SNX19: variants seen among roughly 807,000 people sequenced by gnomAD.
SNX19 encodes sorting nexin-19.
A neutral mutation model predicts 85.2 loss-of-function variants in SNX19; 60 were observed. That is an observed-to-expected ratio of 0.70 (90% confidence interval 0.57 to 0.87). SNX19 has a LOEUF of 0.87. Ranked by LOEUF, SNX19 falls within the 40% of genes least tolerant of loss-of-function variation. The probability of loss-of-function intolerance (pLI) is 0.00; values close to 1 mark genes in which losing one functional copy is unlikely to be tolerated. For synonymous variants in SNX19, 520 were observed against 470.0 expected (o/e 1.11, Z -1.38); for missense variants, 1,201 against 1,217.8 (o/e 0.99, Z 0.21).
rs1943056676 is a variant in SNX19, at chr11:130,872,301, T to C, written c.*6121A>G. On this transcript the variant is annotated 3_prime_UTR_variant, in exon 11 of 11. Transcript: ENST00000265909. ...CTCCGCAAGTCTGAAAATAGCATAG[T>C]GTGTCTGCCAAGGTCTGCGGGTGCC... Among the ~76,000 whole-genome samples, 2 of 152,150 alleles carry C rather than the reference T, an allele frequency of 1.3e-5. No homozygotes were observed. Among genetic ancestry groups the C allele is most frequent in the South Asian group, 2.1e-4 (1 of 4,818 alleles).
chr11:130,888,545 G>A (rs1419100993), intron 8 of SNX19, among the ~76,000 whole-genome samples: 1 of 152,168 alleles, frequency 6.6e-6, no homozygotes, highest in Non-Finnish European at 1.5e-5. Flanking sequence ...TAATCAGGCA[G>A]GGCACACTCC....
In SNX19 at chr11:130,870,475, T is replaced by C. The variant is rs1279267169; in HGVS notation, c.*7947A>G. Among the ~76,000 whole-genome samples, 1 of 152,346 alleles carries C rather than the reference T, an allele frequency of 6.6e-6. No homozygotes were observed. The highest frequency in any genetic ancestry group is 2.4e-5 in the African/African-American group (1 of 41,594). ...CTTTACCTCACCTAAACAGATCCAC[T>C]GAAAAGGAAACTTTTTGGGTTCCCA... On this transcript the variant is annotated 3_prime_UTR_variant, in exon 11 of 11. Coordinates refer to ENST00000265909, the MANE Select transcript of SNX19 (RefSeq NM_014758.3).
rs764333488 is a variant in SNX19 at position 130,906,610 on chromosome 11, G to A, written c.2262+15C>T. On this transcript the variant is annotated intron_variant, in intron 6 of 10. Coordinates refer to ENST00000265909, the MANE Select transcript of SNX19 (RefSeq NM_014758.3). ...AGATATTTTTGCCTCACATTCTCTG[G>A]GTTTTGGTTCTTACCACATTGCCTT... The A allele has an allele frequency of 6.3e-7, 1 of 1,579,508 alleles. No homozygotes were observed. Among genetic ancestry groups the A allele is most frequent in the East Asian group, 2.2e-5 (1 of 44,742 alleles).
rs1263283263 is a variant in SNX19 at position 130,874,514 on chromosome 11, A to ATT, written c.*3906_*3907dup. On this transcript the variant is annotated 3_prime_UTR_variant, in exon 11 of 11. Coordinates refer to ENST00000265909, the MANE Select transcript of SNX19 (RefSeq NM_014758.3). ...ATGGCAAGGAAGAAAGATGGAAAGA[A>ATT]TTCAGGCCCCTTAAGAGGTCTCAGA... Among the ~76,000 whole-genome samples the ATT allele has an allele frequency of 2.0e-5, 3 of 152,250 alleles. No individual in the cohort carries two copies. The highest frequency in any genetic ancestry group is 7.2e-5 in the African/African-American group (3 of 41,472).
rs747233151 is a variant in SNX19, at chr11:130,916,142, G to A, written c.-203C>T. ...CGTCTCCCCATGGCTACCACTAACAGAGCCCTCCAACTCGCCCCTTCCAGC... is the reference window on the plus strand; with the variant it reads ...CGTCTCCCCATGGCTACCACTAACAAAGCCCTCCAACTCGCCCCTTCCAGC... On this transcript the variant is annotated 5_prime_UTR_variant, in exon 1 of 11. Coordinates refer to ENST00000265909, the MANE Select transcript of SNX19 (RefSeq NM_014758.3). 1 of 589,978 alleles carries A rather than the reference G, an allele frequency of 1.7e-6. No individual in the cohort carries two copies. Among genetic ancestry groups the A allele is most frequent in the Non-Finnish European group, 3.0e-6 (1 of 332,612 alleles). The allele number at this position is 589,978 out of a possible 1,614,324, so 36.5% of individuals were successfully genotyped here.
rs757340489 is a variant in SNX19, at chr11:130,877,649, G to T, written c.*773C>A. 15 of 152,582 alleles carry T rather than the reference G, an allele frequency of 9.8e-5. No individual in the cohort carries two copies. Among genetic ancestry groups the T allele is most frequent in the Non-Finnish European group, 2.1e-4 (14 of 68,046 alleles). 9.5% of individuals were successfully genotyped at this position (152,582 alleles called of 1,614,324 possible). ...AAAACTCAATTGCTCTAGGGCAGGG[G>T]GTTGGGAGCAAAGCCAATAAATAAA... On this transcript the variant is annotated 3_prime_UTR_variant, in exon 11 of 11. Transcript: ENST00000265909.
At chr11:130,895,123 C>T (rs966061141) in intron 8 of SNX19, 2 of 985,278 alleles carry the variant, frequency 2.0e-6, no homozygotes, top group African/African-American at 3.5e-5. Flanking sequence ...GGGCTTCATA[C>T]TGGGAGGCCC....
chr11:130,901,395 A>G (rs1378362491), intron 8 of SNX19, among the ~76,000 whole-genome samples: 7 of 152,208 alleles, frequency 4.6e-5, no homozygotes, highest in Non-Finnish European at 7.3e-5. Context: ...AGAAGGTTTC[A>G]CAGAATAAAT....
chr11:130,889,113 TAA>T (rs1944307282), intron 8 of SNX19, among the ~76,000 whole-genome samples: 1 of 152,218 alleles, frequency 6.6e-6, no homozygotes, highest in South Asian at 2.1e-4. Context: ...GTTTTTCACC[TAA>T]GTCTTTTCCC....
rs4414223 is a variant in SNX19 at position 130,906,629 on chromosome 11, T to C, written c.2258A>G (p.Asn753Ser). 1,057,845 of 1,602,766 alleles carry C rather than the reference T, an allele frequency of 0.66. 352,079 individuals carry two copies. The highest frequency in any genetic ancestry group is 0.8 in the South Asian group (72,450 of 90,874). ...TCTCTGGGTTTTGGTTCTTACCACA[T>C]TGCCTTCCTGGAGACAATAAAGAAT... ...DKILYCLQEG[N>S]VESETLSMSA... Residue 753 changes from asparagine to serine, a missense_variant, in exon 6 of 11, where the codon AAT becomes AGT. Physicochemically the swap from Asn to Ser is conservative, Grantham distance 46. Transcript: ENST00000265909.
rs1380718070 is a variant in SNX19, at chr11:130,870,752, A to G, written c.*7670T>C. 6.6e-6 allele frequency among the ~76,000 whole-genome samples: 1 copy of G among 152,096 alleles called. No homozygotes were observed. The highest frequency in any genetic ancestry group is 2.4e-5 in the African/African-American group (1 of 41,392). The stretch of plus-strand genomic sequence containing the variant: ...TATTCACAAATTTTGCCTCTTAAAT[A>G]AACATAATCTTTAATTAAGTAAACT... On this transcript the variant is annotated 3_prime_UTR_variant, in exon 11 of 11. Transcript: ENST00000265909.
At chr11:130,908,925 T>C (rs1012093897) in intron 4 of SNX19, among the ~76,000 whole-genome samples, 2 of 152,330 alleles carry the variant, frequency 1.3e-5, no homozygotes, top group East Asian at 3.9e-4. Flanking sequence ...ATTCTTGTGG[T>C]ATTCCTCCAT....
rs1309450471 is a variant in SNX19 at position 130,876,446 on chromosome 11, A to T, written c.*1976T>A. 6.5e-6 allele frequency: 1 copy of T among 152,752 alleles called. No individual in the cohort carries two copies. The highest frequency in any genetic ancestry group is 1.5e-5 in the Non-Finnish European group (1 of 68,044). 9.5% of individuals were successfully genotyped at this position (152,752 alleles called of 1,614,324 possible). On this transcript the variant is annotated 3_prime_UTR_variant, in exon 11 of 11. Transcript: ENST00000265909. ...GGACTCTTATATAATACGAAATAAA[A>T]ATAAGTTCTTTGGGCTGGAAGTGTC...
chr11:130,870,597 C>T lies in SNX19; in HGVS notation c.*7825G>A, dbSNP rs889517033. Among the ~76,000 whole-genome samples the T allele has an allele frequency of 3.3e-5, 5 of 152,166 alleles. No homozygotes were observed. Among genetic ancestry groups the T allele is most frequent in the African/African-American group, 7.2e-5 (3 of 41,426 alleles). The stretch of plus-strand genomic sequence containing the variant: ...AAGTGGTTAATCTCAAAGAGGTTTA[C>T]GGTGGTTTCTCCACATATCTTCACC... On this transcript the variant is annotated 3_prime_UTR_variant, in exon 11 of 11. Coordinates refer to ENST00000265909, the MANE Select transcript of SNX19 (RefSeq NM_014758.3).
chr11:130,910,171 G>C, intron 3 of SNX19, 34 bp from the exon 4 acceptor site: 1 of 1,613,932 alleles, frequency 6.2e-7, no homozygotes, highest in Non-Finnish European at 8.5e-7. Flanking sequence ...ATTTTAAAGA[G>C]AAATTCCAGT....
At chr11:130,891,333 G>T (rs1592307217) in intron 8 of SNX19, among the ~76,000 whole-genome samples, 2 of 150,618 alleles carry the variant, frequency 1.3e-5, no homozygotes, top group African/African-American at 2.4e-5. Context: ...AATAATCCAT[G>T]AAATGGGCAT....
At chr11:130,913,420 TCTTA>T (rs1592379984) in intron 1 of SNX19, among the ~76,000 whole-genome samples, 1 of 152,366 alleles carries the variant, frequency 6.6e-6, no homozygotes, top group Non-Finnish European at 1.5e-5. Context: ...TTCCATTCCG[TCTTA>T]CTTGAAAATG....
intron 1 of SNX19, among the ~76,000 whole-genome samples, chr11:130,913,805 A>G (rs1040380736): frequency 2.0e-5 from 3 of 152,238 alleles, no homozygotes; most frequent in African/African-American, 7.2e-5. Flanking sequence ...ACAAGAGATA[A>G]CATGAAGAGG....
At position 130,867,140 on chromosome 11, in the gene SNX19, T is replaced by A. The variant is rs920343819; in HGVS notation, c.*11282A>T. 3 of 152,194 alleles carry A rather than the reference T, an allele frequency of 2.0e-5. No homozygotes were observed. Among genetic ancestry groups the A allele is most frequent in the Non-Finnish European group, 4.4e-5 (3 of 68,044 alleles). 9.4% of individuals were successfully genotyped at this position (152,194 alleles called of 1,614,324 possible). On this transcript the variant is annotated 3_prime_UTR_variant, in exon 11 of 11. Transcript: ENST00000265909. ...GCCTCCCAATAAACTGGGTGAGTGA[T>A]CCTGGGCAAAAGACAAGCTCTCTGC...
Sources: allele counts gnomAD v4.1 joint callset (sites outside exome capture counted in the v4.1 genomes callset), GRCh38; gene constraint gnomAD v4.1.1; transcripts MANE v1.5; gene names NCBI Gene and HGNC (gene_info 2026-07-23, HGNC 2026-07-21).